TLN2: variants seen among roughly 807,000 people sequenced by gnomAD.
The protein encoded by TLN2 is talin-2.
Under a neutral mutation model 294.7 loss-of-function variants are expected in TLN2, and 118 were observed. That is an observed-to-expected ratio of 0.40 (90% CI 0.34 to 0.47). TLN2 has a LOEUF of 0.47. Ranked by LOEUF, TLN2 falls within the 20% of genes least tolerant of loss-of-function variation. The pLI is 0.84. For missense variants in TLN2, 3,083 were observed against 3,282.2 expected, an observed-to-expected ratio of 0.94 and a Z score of 1.48; for synonymous variants, 1,431 against 1,304.5, an observed-to-expected ratio of 1.10 and a Z score of -2.09.
chr15:62,699,261 A>G (rs1463724790), intron 16 of TLN2, among the ~76,000 whole-genome samples: 1 of 152,192 alleles, frequency 6.6e-6, no homozygotes, highest in Non-Finnish European at 1.5e-5. Context: ...CCTCGCACAT[A>G]GTAAGAGCTC....
chr15:62,819,727 A>G, intron 53 of TLN2, 106 bp downstream of exon 53: 2 of 933,542 alleles, frequency 2.1e-6, no homozygotes, highest in Non-Finnish European at 3.2e-6. Context: ...TTTAGCTGGC[A>G]GATGCAGCCA....
chr15:62,657,724 G>A (rs200166807), intron 8 of TLN2, 47 bp from the exon 9 acceptor site: 3 of 1,594,044 alleles, frequency 1.9e-6, no homozygotes, highest in South Asian at 1.2e-5. Context: ...GAGAGAACGT[G>A]TCACTCCCCG....
intron 19 of TLN2, among the ~76,000 whole-genome samples, chr15:62,705,921 C>T (rs1472082354): frequency 6.6e-6 from 1 of 152,192 alleles, no homozygotes; most frequent in Non-Finnish European, 1.5e-5. Flanking sequence ...AGTTTTTGTC[C>T]ATTTTAAAAT....
rs2471033 is a variant in TLN2, at chr15:62,429,131, T to C, written c.-238+38446T>C. Among the ~76,000 whole-genome samples the C allele has an allele frequency of 5.5e-4, 76 of 138,772 alleles. No homozygotes were observed. The East Asian group carries it at 8.5e-3, about 15-fold the overall frequency. 91.0% of individuals were successfully genotyped at this position (138,772 alleles called of 152,430 possible). ...GGTGGGAACCGGGGTTGGCGGGGGT[T>C]GGGGGGGTAGTGGTGAGCCCTAAGC... is the stretch of plus-strand genomic sequence containing the variant. On this transcript the variant is annotated intron_variant, in intron 1 of 58. Coordinates refer to ENST00000636159, the MANE Select transcript of TLN2 (RefSeq NM_015059.3).
At chr15:62,565,499 C>T (rs565487268) in intron 1 of TLN2, among the ~76,000 whole-genome samples, 1 of 152,266 alleles carries the variant, frequency 6.6e-6, no homozygotes, top group South Asian at 2.1e-4. Flanking sequence ...CATACCACTT[C>T]GTAATTAAGT....
At chr15:62,602,146 A>G (rs2047059613) in intron 2 of TLN2, among the ~76,000 whole-genome samples, 1 of 152,224 alleles carries the variant, frequency 6.6e-6, no homozygotes. Flanking sequence ...AGTGGACAGA[A>G]CTAGGATGTG....
chr15:62,461,992 T>C (rs1192012696), intron 1 of TLN2, among the ~76,000 whole-genome samples: 4 of 152,016 alleles, frequency 2.6e-5, no homozygotes, highest in African/African-American at 9.7e-5. Flanking sequence ...ATCCCAGCAC[T>C]TTGGGCGGCT....
intron 2 of TLN2, among the ~76,000 whole-genome samples, chr15:62,607,024 C>T (rs2047511314): frequency 6.6e-6 from 1 of 152,134 alleles, no homozygotes; most frequent in Admixed American, 6.5e-5. Context: ...TAGTCTTCCG[C>T]CCCTTCCTCA....
At chr15:62,395,985 G>A (rs898229731) in intron 1 of TLN2, among the ~76,000 whole-genome samples, 4 of 151,952 alleles carry the variant, frequency 2.6e-5, no homozygotes, top group East Asian at 3.9e-4. Context: ...ACAGGCACCC[G>A]CCACCACACC....
rs1359445614 is a variant in TLN2, at chr15:62,825,776, AATATATTATATATTATAAT to A, written c.7002+5184_7002+5202del. ...ATATAATTATAATTATATATTATATAATATATTATATATTATAATATATATTATATATTATATTATAATA... is the reference window on the plus strand; with the variant it reads ...ATATAATTATAATTATATATTATATAATATATTATATATTATATTATAATA... On this transcript the variant is annotated intron_variant, in intron 54 of 58. Transcript: ENST00000636159. 7.7e-3 allele frequency among the ~76,000 whole-genome samples: 221 copies of A among 28,680 alleles called. 9 individuals are homozygous for A. Among genetic ancestry groups the A allele is most frequent in the South Asian group, 0.019 (25 of 1,326 alleles). 18.8% of individuals were successfully genotyped at this position (28,680 alleles called of 152,430 possible).
chr15:62,617,978 T>A (rs191441589), intron 2 of TLN2, among the ~76,000 whole-genome samples: 2 of 151,398 alleles, frequency 1.3e-5, no homozygotes, highest in Non-Finnish European at 2.9e-5. Flanking sequence ...TTTTTTTTTT[T>A]TGTAGAGACA....
intron 45 of TLN2, chr15:62,784,280 A>G (rs2064446431): frequency 6.0e-6 from 2 of 333,516 alleles, no homozygotes; most frequent in Admixed American, 4.7e-5. Context: ...ATAGGTTCAC[A>G]GAAGTGTTGA....
chr15:62,603,187 C>T (rs556538082), intron 2 of TLN2, among the ~76,000 whole-genome samples: 24 of 152,268 alleles, frequency 1.6e-4, no homozygotes, highest in South Asian at 1.0e-3. Context: ...CCACCGCGCC[C>T]GGCCGAGGCG....
In TLN2 at chr15:62,761,817, C is replaced by T; in HGVS notation, c.4775C>T (p.Ser1592Phe). The T allele has an allele frequency of 6.2e-7, 1 of 1,614,066 alleles. No individual in the cohort carries two copies. The highest frequency in any genetic ancestry group is 1.1e-5 in the South Asian group (1 of 91,060). ...GTCAGCATTCCTGCCCAGATCAGCT[C>T]CGAGGTAGGGAGTGTTTACAGGAAC... ...EFVSIPAQISSEGSQAQEPIL... is the reference protein window; with the variant it reads ...EFVSIPAQISFEGSQAQEPIL... Residue 1592 changes from serine to phenylalanine, a missense_variant, in exon 38 of 59, where the codon TCC becomes TTC. By Grantham distance (155) the Ser-to-Phe change is radical (BLOSUM62 -2). Transcript: ENST00000636159.
chr15:62,484,925 C>T (rs1368229740), intron 1 of TLN2, among the ~76,000 whole-genome samples: 1 of 152,190 alleles, frequency 6.6e-6, no homozygotes, highest in Admixed American at 6.5e-5. Context: ...TATCATCTTA[C>T]AATTCTCACT....
At chr15:62,705,368 G>A (rs1342747932) in intron 19 of TLN2, among the ~76,000 whole-genome samples, 1 of 152,194 alleles carries the variant, frequency 6.6e-6, no homozygotes, top group Non-Finnish European at 1.5e-5. Context: ...ATTTCTTAAT[G>A]TACTGCATGT....
intron 54 of TLN2, chr15:62,824,155 C>T: frequency 2.9e-6 from 1 of 342,250 alleles, no homozygotes; most frequent in South Asian, 2.3e-5. Context: ...TCTTCCATTT[C>T]TTCTTATAGC....
chr15:62,437,426 G>A (rs982062916), intron 1 of TLN2, among the ~76,000 whole-genome samples: 1 of 149,244 alleles, frequency 6.7e-6, no homozygotes, highest in Non-Finnish European at 1.5e-5. Flanking sequence ...TTTTTTTTTT[G>A]TAGTCACAGG....
At chr15:62,800,946 G>A (rs1001770099) in intron 50 of TLN2, among the ~76,000 whole-genome samples, 177 bp downstream of exon 50, 3 of 152,190 alleles carry the variant, frequency 2.0e-5, no homozygotes, top group Admixed American at 6.5e-5. Flanking sequence ...CACTGAGTTT[G>A]GCTGGGATTG....
Sources: gnomAD v4.1 joint callset for allele counts (sites outside exome capture counted in the v4.1 genomes callset) on GRCh38, gnomAD v4.1.1 for gene constraint, MANE v1.5 for transcripts, NCBI Gene and HGNC (gene_info 2026-07-23, HGNC 2026-07-21) for gene names.